The following TLN2 variants were observed in gnomAD, a reference collection of about 807,000 sequenced individuals.
TLN2 encodes the protein talin 2.
In TLN2, 118 loss-of-function variants were observed where a neutral mutation model predicts 294.7. The ratio of observed to expected loss-of-function variants is 0.40; its 90% CI spans 0.34 to 0.47. The LOEUF (loss-of-function observed/expected upper bound fraction) is 0.47, where lower values mean the gene tolerates loss of function less well. TLN2 is among the 20% of genes least tolerant of loss of function. The pLI is 0.84. For synonymous variants in TLN2, 1,431 were observed against 1,304.5 expected, an observed-to-expected ratio of 1.10 and a Z score of -2.09; for missense variants, 3,083 against 3,282.2, an observed-to-expected ratio of 0.94 and a Z score of 1.48.
chr15:62,778,492 G>A (rs1404943438), intron 43 of TLN2, among the ~76,000 whole-genome samples: 1 of 152,202 alleles, frequency 6.6e-6, no homozygotes. Flanking sequence ...CTTGGGAGAA[G>A]ATATTTTTCA....
At chr15:62,641,904 A>G (rs1389993185) in intron 3 of TLN2, among the ~76,000 whole-genome samples, 3 of 152,152 alleles carry the variant, frequency 2.0e-5, no homozygotes, top group Non-Finnish European at 4.4e-5. Flanking sequence ...TTTTGAAGAG[A>G]AGGAGGCCTC....
rs564933992 is a variant in TLN2, at chr15:62,615,712, A to C, written c.-161-2639A>C. 2.4e-4 allele frequency among the ~76,000 whole-genome samples: 37 copies of C among 152,320 alleles called. 1 individual carries two copies. In the South Asian group the frequency reaches 7.2e-3, roughly 30 times the overall value. ...TGGATATCTTGGAACATAAACACTC[A>C]TGTTTATCTTTATTTATTTCAGTAA... is the stretch of plus-strand genomic sequence containing the variant. On this transcript the variant is annotated intron_variant, in intron 2 of 58. Coordinates refer to ENST00000636159, the MANE Select transcript of TLN2 (RefSeq NM_015059.3).
In TLN2 at chr15:62,533,459, G is replaced by T. The variant is rs75197210; in HGVS notation, c.-237-56228G>T. On this transcript the variant is annotated intron_variant, in intron 1 of 58. Coordinates refer to ENST00000636159, the MANE Select transcript of TLN2 (RefSeq NM_015059.3). Reference sequence around the variant, plus strand: ...AGTGATCTGTCTGTTTGTAGCTTATGTTTAGTTGTAAGAGCCCTAATTCAG... The same window carrying T: ...AGTGATCTGTCTGTTTGTAGCTTATTTTTAGTTGTAAGAGCCCTAATTCAG... Among the ~76,000 whole-genome samples the T allele has an allele frequency of 2.5e-3, 387 of 151,924 alleles. 1 individual carries two copies. Among genetic ancestry groups the T allele is most frequent in the Non-Finnish European group, 3.4e-3 (230 of 67,986 alleles).
At chr15:62,431,113 G>A (rs556290676) in intron 1 of TLN2, among the ~76,000 whole-genome samples, 4 of 152,172 alleles carry the variant, frequency 2.6e-5, no homozygotes, top group African/African-American at 7.2e-5. Context: ...GAGGGGAAAC[G>A]ACTTTTAACA....
chr15:62,739,649 C>A, intron 31 of TLN2, 104 bp downstream of exon 31: 1 of 1,379,874 alleles, frequency 7.2e-7, no homozygotes, highest in Non-Finnish European at 1.0e-6. Flanking sequence ...AACCTGGAAA[C>A]AGGCAGGCCA....
chr15:62,733,618 C>A (rs942123057), intron 28 of TLN2, among the ~76,000 whole-genome samples: 2 of 152,072 alleles, frequency 1.3e-5, no homozygotes, highest in African/African-American at 4.8e-5. Flanking sequence ...GCTATGTGGC[C>A]CAATACTGTC....
rs370404473 is a variant in TLN2 at position 62,806,406 on chromosome 15, G to C, written c.6663+621G>C. Among the ~76,000 whole-genome samples, 456 of 152,270 alleles carry C rather than the reference G, an allele frequency of 3.0e-3. 26 individuals carry two copies. The South Asian group carries it at 0.091, about 31-fold the overall frequency. The stretch of plus-strand genomic sequence containing the variant: ...GTGGTGGATAGGGATTGCAGCACTT[G>C]GTTCCAGCTCCTCCAAATGGAAAAT... On this transcript the variant is annotated intron_variant, in intron 51 of 58. Transcript: ENST00000636159.
At chr15:62,708,474 C>G (rs770187510) in intron 20 of TLN2, 28 bp from the exon 21 acceptor site, 3 of 1,605,414 alleles carry the variant, frequency 1.9e-6, no homozygotes, top group African/African-American at 2.7e-5. Context: ...AACCACAGTG[C>G]CCAAAACCTG....
chr15:62,651,573 CAAG>C (rs553326174), intron 5 of TLN2, among the ~76,000 whole-genome samples: 124 of 152,140 alleles, frequency 8.2e-4, no homozygotes, highest in Non-Finnish European at 1.4e-3. Flanking sequence ...TCAAAACAAA[CAAG>C]AAATAACCTG....
intron 1 of TLN2, 26 bp from the exon 2 acceptor site, chr15:62,589,661 T>C (rs967234785): frequency 2.0e-5 from 3 of 152,194 alleles, no homozygotes; most frequent in African/African-American, 7.2e-5. Flanking sequence ...ATTACTTGAT[T>C]CTGATGATTG....
chr15:62,652,231 A>C, intron 6 of TLN2, 97 bp downstream of exon 6: 1 of 1,328,114 alleles, frequency 7.5e-7, no homozygotes, highest in Non-Finnish European at 9.9e-7. Context: ...GGCAACTTTG[A>C]ATGTGTCTTA....
chr15:62,783,831 G>C lies in TLN2; in HGVS notation c.5677G>C (p.Asp1893His). 1 of 1,613,874 alleles carries C rather than the reference G, an allele frequency of 6.2e-7. No homozygotes were observed. The highest frequency in any genetic ancestry group is 1.1e-5 in the South Asian group (1 of 91,066). ...LGGLASQMTS[D>H]YGHLAFQGQM... ...AGGACTGGCTTCACAAATGACCAGT[G>C]ACTATGGGCACCTGGCTTTCCAGGG... The change falls in exon 45 of 59, where the codon GAC becomes CAC. Residue 1893 changes from aspartate to histidine, a missense_variant. Physicochemically the swap from Asp to His is moderately conservative, Grantham distance 81. Coordinates refer to ENST00000636159, the MANE Select transcript of TLN2 (RefSeq NM_015059.3).
At chr15:62,433,756 C>A (rs955928006) in intron 1 of TLN2, among the ~76,000 whole-genome samples, 3 of 152,026 alleles carry the variant, frequency 2.0e-5, no homozygotes, top group African/African-American at 7.2e-5. Context: ...ATTCACTTCC[C>A]TTCTTGTGGA....
intron 1 of TLN2, among the ~76,000 whole-genome samples, chr15:62,497,614 A>G (rs867913312): frequency 6.6e-6 from 1 of 152,204 alleles, no homozygotes; most frequent in Non-Finnish European, 1.5e-5. Flanking sequence ...GTGGCCACCC[A>G]GCAGTGAGTT....
At chr15:62,442,850 C>A (rs2456465) in intron 1 of TLN2, among the ~76,000 whole-genome samples, 1 of 151,992 alleles carries the variant, frequency 6.6e-6, no homozygotes, top group African/African-American at 2.4e-5. Context: ...TGTGATTTTC[C>A]TGGCGGCTCT....
chr15:62,656,800 G>A (rs1478755258), intron 8 of TLN2, among the ~76,000 whole-genome samples: 1 of 152,198 alleles, frequency 6.6e-6, no homozygotes, highest in Admixed American at 6.5e-5. Flanking sequence ...CACAGCTTAT[G>A]TATTCAAGTA....
At chr15:62,504,433 A>G (rs528533392) in intron 1 of TLN2, among the ~76,000 whole-genome samples, 2 of 152,366 alleles carry the variant, frequency 1.3e-5, no homozygotes, top group Admixed American at 6.5e-5. Context: ...GGTATACGTC[A>G]AAGCTATAGA....
At chr15:62,744,583 G>GTC (rs1458570742) in intron 32 of TLN2, among the ~76,000 whole-genome samples, 1 of 151,696 alleles carries the variant, frequency 6.6e-6, no homozygotes, top group Non-Finnish European at 1.5e-5. Context: ...ATTTCGCTCC[G>GTC]TCGCCCAGGC....
intron 1 of TLN2, among the ~76,000 whole-genome samples, chr15:62,401,321 G>A (rs1241962682): frequency 6.6e-6 from 1 of 151,330 alleles, no homozygotes; most frequent in Non-Finnish European, 1.5e-5. Context: ...ACAGGGTCTC[G>A]CTCTATCACC....
Sources: allele counts gnomAD v4.1 joint callset (sites outside exome capture counted in the v4.1 genomes callset), GRCh38; gene constraint gnomAD v4.1.1; transcripts MANE v1.5; gene names NCBI Gene and HGNC (gene_info 2026-07-23, HGNC 2026-07-21).